The following ZNF721 variants were observed in gnomAD, a reference collection of about 807,000 sequenced individuals.
ZNF721 encodes zinc finger protein 721.
A neutral mutation model predicts 2.4 loss-of-function variants in ZNF721; 2 were observed. The ratio of observed to expected loss-of-function variants is 0.82; its 90% CI spans 0.34 to 2.58. The LOEUF (loss-of-function observed/expected upper bound fraction) is 2.58, where lower values mean the gene tolerates loss of function less well. Ranked by LOEUF, ZNF721 falls within the 30% of genes most tolerant of loss-of-function variation. The pLI, the probability that ZNF721 is intolerant of heterozygous loss-of-function variation, is 0.11. For missense variants in ZNF721, 1,187 were observed against 1,085.5 expected (o/e 1.09, Z -1.31); for synonymous variants, 398 against 381.8 (o/e 1.04, Z -0.50).
chr4:487,143 A>T (rs560900314), intron 1 of ZNF721, among the ~76,000 whole-genome samples: 1 of 152,200 alleles, frequency 6.6e-6, no homozygotes, highest in Non-Finnish European at 1.5e-5. Context: ...AAAATTTCTT[A>T]TTGTATTCAT....
At chr4:465,817 C>T (rs1715230857) in intron 2 of ZNF721, among the ~76,000 whole-genome samples, 1 of 151,018 alleles carries the variant, frequency 6.6e-6, no homozygotes. Flanking sequence ...AGTAGATACA[C>T]ACACAAAAAA....
chr4:488,820 CTCCA>C (rs1576973313), intron 1 of ZNF721, among the ~76,000 whole-genome samples: 2 of 151,752 alleles, frequency 1.3e-5, no homozygotes, highest in East Asian at 1.9e-4. Flanking sequence ...CAGAGCGATA[CTCCA>C]TCTCAAAAAA....
At position 442,711 on chromosome 4, in the gene ZNF721, T is replaced by C. The variant is rs782255411; in HGVS notation, c.1756A>G (p.Lys586Glu). The C allele has an allele frequency of 1.2e-6, 2 of 1,614,122 alleles. No homozygotes were observed. Among genetic ancestry groups the C allele is most frequent in the Non-Finnish European group, 1.7e-6 (2 of 1,180,046 alleles). The change falls in exon 3 of 3, where the codon AAA (lysine) becomes GAA (glutamate). Residue 586 changes from lysine (K) to glutamate (E), a missense_variant. Lys to Glu is a moderately conservative substitution (Grantham distance 56). Coordinates refer to ENST00000511833, the MANE Select transcript of ZNF721 (RefSeq NM_133474.4). ...RRIHTGEKPY[K>E]CEECGKAFGR... ...AAGGCTTTGCCACACTCTTCACATT[T>C]GTAAGGTTTCTCTCCAGTATGAATT...
intron 1 of ZNF721, among the ~76,000 whole-genome samples, chr4:492,706 C>G (rs1383591920): frequency 6.9e-6 from 1 of 144,018 alleles, no homozygotes; most frequent in Non-Finnish European, 1.5e-5. Context: ...ATCCCTCTTT[C>G]TTAAACAGTC....
At chr4:483,003 T>C (rs1211572376) in intron 1 of ZNF721, among the ~76,000 whole-genome samples, 1 of 152,214 alleles carries the variant, frequency 6.6e-6, no homozygotes, top group Non-Finnish European at 1.5e-5. Context: ...GGGAAACGCT[T>C]ATACAGATGT....
In ZNF721 at chr4:486,149, CT is replaced by C. The variant is rs199673189; in HGVS notation, c.-94+12906del. On this transcript the variant is annotated intron_variant, in intron 1 of 2. Transcript: ENST00000511833. The stretch of plus-strand genomic sequence containing the variant: ...GAAATGCATTGGTTGAGTGTGATTT[CT>C]TTTTTTTTTCTTTTCTTTTTTTTTT... 6.6e-3 allele frequency among the ~76,000 whole-genome samples: 624 copies of C among 94,100 alleles called. 19 individuals carry two copies. In the East Asian group the frequency reaches 0.099, roughly 15 times the overall value. 61.7% of individuals were successfully genotyped at this position (94,100 alleles called of 152,430 possible). A position where few individuals can be genotyped will look rare whatever the true frequency, so the allele number is the denominator to read the frequency against.
intron 2 of ZNF721, among the ~76,000 whole-genome samples, chr4:453,281 C>T (rs797042624): frequency 6.6e-6 from 1 of 152,188 alleles, no homozygotes; most frequent in South Asian, 2.1e-4. Context: ...AACTCTTGGT[C>T]AGTAGCAGAT....
chr4:451,201 T>A (rs554810000), intron 2 of ZNF721, among the ~76,000 whole-genome samples: 7 of 152,088 alleles, frequency 4.6e-5, no homozygotes, highest in Non-Finnish European at 1.0e-4. Flanking sequence ...AATATTACAT[T>A]TGAACTCAAT....
chr4:451,678 G>C (rs1714665103), intron 2 of ZNF721, among the ~76,000 whole-genome samples: 1 of 152,182 alleles, frequency 6.6e-6, no homozygotes, highest in Non-Finnish European at 1.5e-5. Context: ...GTGAAATAAA[G>C]GTTGTTTATC....
rs373050502 is a variant in ZNF721, at chr4:443,612, G to C, written c.855C>G (p.Ala285=). The C allele has an allele frequency of 6.2e-6, 10 of 1,613,614 alleles. No individual in the cohort carries two copies. In the African/African-American group the frequency reaches 9.4e-5, roughly 15 times the overall value. Residue 285 remains alanine, a synonymous_variant, in exon 3 of 3, where the codon GCC becomes GCG. Coordinates refer to ENST00000511833, the MANE Select transcript of ZNF721 (RefSeq NM_133474.4). ...KPFKCLECGK[A]FNISTTLTKH... ...TAGTAAGGGTTGTGGAAATATTAAA[G>C]GCTTTACCACATTCTAAACATTTAA...
intron 1 of ZNF721, among the ~76,000 whole-genome samples, chr4:494,557 G>A (rs1350128268): frequency 2.6e-5 from 4 of 151,918 alleles, no homozygotes; most frequent in Non-Finnish European, 2.9e-5. Context: ...ATTAATAACT[G>A]GCTTCACAAC....
intron 2 of ZNF721, among the ~76,000 whole-genome samples, chr4:451,908 T>G (rs797027653): frequency 2.0e-5 from 3 of 152,180 alleles, no homozygotes; most frequent in Non-Finnish European, 4.4e-5. Flanking sequence ...TTTTGAAAAT[T>G]GGGAATCTAA....
At chr4:445,125 C>T (rs1444958804) in intron 2 of ZNF721, among the ~76,000 whole-genome samples, 3 of 151,730 alleles carry the variant, frequency 2.0e-5, no homozygotes, top group Admixed American at 1.3e-4. Flanking sequence ...GCTGGGACTA[C>T]AGGCACCTAC....
intron 2 of ZNF721, among the ~76,000 whole-genome samples, chr4:467,839 A>G (rs1038636201): frequency 2.0e-5 from 3 of 152,194 alleles, no homozygotes. Context: ...AGAGACCTAT[A>G]AAAACTGTTC....
chr4:469,293 G>GA (rs1392329284), intron 2 of ZNF721, among the ~76,000 whole-genome samples: 1 of 150,228 alleles, frequency 6.7e-6, no homozygotes, highest in African/African-American at 2.5e-5. Flanking sequence ...CCAAAAAAAA[G>GA]AAAAAAATTC....
At chr4:446,532 C>G (rs370267307) in intron 2 of ZNF721, among the ~76,000 whole-genome samples, 1 of 151,794 alleles carries the variant, frequency 6.6e-6, no homozygotes, top group African/African-American at 2.4e-5. Context: ...AGGTACACAC[C>G]ACCATGCTCT....
intron 2 of ZNF721, among the ~76,000 whole-genome samples, chr4:444,800 C>T (rs1714418607): frequency 6.6e-6 from 1 of 152,116 alleles, no homozygotes. Context: ...ACACACATAT[C>T]CTTATTTCTG....
intron 2 of ZNF721, among the ~76,000 whole-genome samples, chr4:449,995 C>T (rs1263560046): frequency 1.3e-5 from 2 of 152,136 alleles, no homozygotes; most frequent in Non-Finnish European, 2.9e-5. Flanking sequence ...CACAGGATAA[C>T]ATATGTTTAA....
chr4:479,538 G>A (rs546497908), intron 1 of ZNF721, among the ~76,000 whole-genome samples: 2 of 152,346 alleles, frequency 1.3e-5, no homozygotes, highest in East Asian at 3.9e-4. Context: ...AGAACAGGAC[G>A]TTCAGGGACC....
Sources: gnomAD v4.1 joint callset for allele counts (sites outside exome capture counted in the v4.1 genomes callset) on GRCh38, gnomAD v4.1.1 for gene constraint, MANE v1.5 for transcripts, NCBI Gene and HGNC (gene_info 2026-07-23, HGNC 2026-07-21) for gene names.